Variants in ALDH1A1 observed in about 807,000 individuals in gnomAD.
ALDH1A1 encodes the protein aldehyde dehydrogenase 1 family member A1, also known as aldehyde dehydrogenase 1A1.
ALDH1A1 carries 19 observed loss-of-function variants against 62.1 expected under a neutral mutation model. The observed-to-expected ratio is 0.31, with a 90% CI of 0.21 to 0.45. The LOEUF (loss-of-function observed/expected upper bound fraction) is 0.45, where lower values mean the gene tolerates loss of function less well. ALDH1A1 is among the 20% of genes least tolerant of loss of function. The probability of loss-of-function intolerance (pLI) is 1.00; values close to 1 mark genes in which losing one functional copy is unlikely to be tolerated. For synonymous variants in ALDH1A1, 231 were observed against 215.9 expected (o/e 1.07, Z -0.61); for missense variants, 521 against 607.1 (o/e 0.86, Z 1.49).
intron 1 of ALDH1A1, among the ~76,000 whole-genome samples, chr9:72,945,972 CTT>C (rs1310310515): frequency 6.6e-6 from 1 of 151,920 alleles, no homozygotes; most frequent in Non-Finnish European, 1.5e-5. Context: ...AGTATATACT[CTT>C]TTTTCTTGTT....
intron 1 of ALDH1A1, among the ~76,000 whole-genome samples, chr9:72,950,861 A>T (rs565512536): frequency 0.011 from 1,658 of 150,762 alleles, 27 homozygotes; most frequent in African/African-American, 0.037. Flanking sequence ...AATAACCATC[A>T]TTTTTTTTTT....
At chr9:72,940,305 T>C in intron 1 of ALDH1A1, 53 bp from the exon 2 acceptor site, 4 of 1,401,988 alleles carry the variant, frequency 2.9e-6, no homozygotes, top group Non-Finnish European at 4.0e-6. Context: ...GCAGAAAATT[T>C]TGGAAGTTTT....
chr9:72,933,320 A>G (rs1267456203), intron 2 of ALDH1A1, among the ~76,000 whole-genome samples: 1 of 152,188 alleles, frequency 6.6e-6, no homozygotes, highest in Non-Finnish European at 1.5e-5. Flanking sequence ...GGAATATTCA[A>G]TCAAATGGGA....
chr9:72,917,208 A>G, intron 8 of ALDH1A1, 104 bp from the exon 9 acceptor site: 1 of 913,746 alleles, frequency 1.1e-6, no homozygotes, highest in Non-Finnish European at 1.5e-6. Context: ...TGAGTTGTGT[A>G]GTCAGACATG....
rs530340110 is a variant in ALDH1A1 at position 72,906,098 on chromosome 9, G to A, written c.1359-66C>T. ...TGTGAAAAAAAAATCCTTTTTGGCA[G>A]TTTTAGAAATTTGGAAAGCTCCTTA... On this transcript the variant is annotated intron_variant, in intron 11 of 12. Coordinates refer to ENST00000297785, the MANE Select transcript of ALDH1A1 (RefSeq NM_000689.5). 80 of 1,287,514 alleles carry A rather than the reference G, an allele frequency of 6.2e-5. No homozygotes were observed. The South Asian group carries it at 1.1e-3, about 17-fold the overall frequency. 79.8% of individuals were successfully genotyped at this position (1,287,514 alleles called of 1,614,324 possible).
At chr9:72,908,800 C>T (rs557991841) in intron 11 of ALDH1A1, among the ~76,000 whole-genome samples, 1 of 151,886 alleles carries the variant, frequency 6.6e-6, no homozygotes, top group Non-Finnish European at 1.5e-5. Context: ...GAGGCACAGA[C>T]TTCATGTTTA....
intron 6 of ALDH1A1, among the ~76,000 whole-genome samples, chr9:72,925,111 A>T (rs13302421): frequency 6.6e-6 from 1 of 152,236 alleles, no homozygotes; most frequent in Non-Finnish European, 1.5e-5. Flanking sequence ...ATTAGTTTAC[A>T]CAATTTTGCA....
intron 7 of ALDH1A1, among the ~76,000 whole-genome samples, chr9:72,923,357 A>G (rs993247980): frequency 2.6e-5 from 4 of 152,144 alleles, no homozygotes; most frequent in Admixed American, 2.6e-4. Flanking sequence ...ATGACTCAAT[A>G]ATTTTTTTTG....
rs1554739366 is a variant in ALDH1A1, at chr9:72,908,458, A to AAT, written c.1358+1143_1358+1144insAT. On this transcript the variant is annotated intron_variant, in intron 11 of 12. Transcript: ENST00000297785. ...TCAAAAAAAAAAAAAAAAAAAAAAA[A>AAT]AAGAAGAAAGAAAAGAAAAGAGAGA... 2.9e-5 allele frequency among the ~76,000 whole-genome samples: 2 copies of AAT among 68,932 alleles called. 1 individual carries two copies. Among genetic ancestry groups the AAT allele is most frequent in the Non-Finnish European group, 5.5e-5 (2 of 36,154 alleles). The allele number at this position is 68,932 out of a possible 152,430, so 45.2% of individuals were successfully genotyped here.
chr9:72,923,000 T>C (rs1830161858), intron 7 of ALDH1A1, among the ~76,000 whole-genome samples: 1 of 152,228 alleles, frequency 6.6e-6, no homozygotes, highest in South Asian at 2.1e-4. Context: ...TATGTAAATT[T>C]GCCTTTATTC....
At chr9:72,919,893 T>A (rs975998393) in intron 7 of ALDH1A1, among the ~76,000 whole-genome samples, 1 of 152,228 alleles carries the variant, frequency 6.6e-6, no homozygotes, top group Non-Finnish European at 1.5e-5. Flanking sequence ...CCTTTGTGGA[T>A]CACTTCCCAT....
Position 72,916,994 on chromosome 9 carries a change from G to C in ALDH1A1, c.961C>G (p.Arg321Gly). 1 of 1,613,778 alleles carries C rather than the reference G, an allele frequency of 6.2e-7. No individual in the cohort carries two copies. The highest frequency in any genetic ancestry group is 1.1e-5 in the South Asian group (1 of 91,040). Residue 321 changes from arginine to glycine, a missense_variant, in exon 9 of 13, where the codon CGA (arginine) becomes GGA (glycine). Transcript: ENST00000297785. ...VEESIYDEFV[R>G]RSVERAKKYI... ...TTCTTAGCCCGCTCAACACTCCTTC[G>C]AACAAACTCATCATAAATTGATTCT...
chr9:72,953,019 A>T lies in ALDH1A1; in HGVS notation c.-19T>A. ...ATGACATTTCTGATTCGGCTCCTGG[A>T]ACACAGGTGACTGGCTCAGCAATTT... is the stretch of plus-strand genomic sequence containing the variant. On this transcript the variant is annotated 5_prime_UTR_variant, in exon 1 of 13. Transcript: ENST00000297785. The T allele has an allele frequency of 1.9e-6, 3 of 1,613,006 alleles. No individual in the cohort carries two copies. Among genetic ancestry groups the T allele is most frequent in the Non-Finnish European group, 2.5e-6 (3 of 1,179,210 alleles).
intron 10 of ALDH1A1, among the ~76,000 whole-genome samples, chr9:72,911,646 T>C (rs1314813071): frequency 2.0e-5 from 3 of 152,198 alleles, no homozygotes; most frequent in African/African-American, 4.8e-5. Context: ...TCATGGAGCA[T>C]AAATTTTCCA....
intron 4 of ALDH1A1, 142 bp from the exon 5 acceptor site, chr9:72,927,319 TC>T: frequency 1.9e-6 from 1 of 525,152 alleles, no homozygotes; most frequent in Non-Finnish European, 3.4e-6. Context: ...ACGCCTGTAA[TC>T]CCAGCACTTT....
Position 72,910,179 on chromosome 9 carries a change from A to T in ALDH1A1, c.1201-420T>A, listed in dbSNP as rs549656421. On this transcript the variant is annotated intron_variant, in intron 10 of 12. Transcript: ENST00000297785. ...CAATCTACTGGATAAATGAATAGGC[A>T]ATGATAATCTGCTGGATAAATGAAT... Among the ~76,000 whole-genome samples the T allele has an allele frequency of 7.2e-5, 11 of 152,314 alleles. No homozygotes were observed. The South Asian group carries it at 2.3e-3, about 32-fold the overall frequency.
chr9:72,926,910 A>T, intron 5 of ALDH1A1: 1 of 468,336 alleles, frequency 2.1e-6, no homozygotes, highest in Non-Finnish European at 3.9e-6. Context: ...TTCTCAAGAG[A>T]TATGCCAGAA....
intron 12 of ALDH1A1, among the ~76,000 whole-genome samples, chr9:72,903,162 A>T (rs1481431790): frequency 1.3e-5 from 2 of 152,086 alleles, no homozygotes; most frequent in Non-Finnish European, 2.9e-5. Context: ...TCTATGGGAC[A>T]GGAGGAAAAA....
At chr9:72,921,240 C>CAAAAA (rs1025687679) in intron 7 of ALDH1A1, among the ~76,000 whole-genome samples, 102 of 79,064 alleles carry the variant, frequency 1.3e-3, no homozygotes, top group African/African-American at 4.2e-3. Context: ...CGACTCCTCT[C>CAAAAA]AAAAAAAAAA....
Sources: gnomAD v4.1 joint callset for allele counts (sites outside exome capture counted in the v4.1 genomes callset) on GRCh38, gnomAD v4.1.1 for gene constraint, MANE v1.5 for transcripts, NCBI Gene and HGNC (gene_info 2026-07-23, HGNC 2026-07-21) for gene names.